The following NIPBL variants were observed in gnomAD, a reference collection of about 807,000 sequenced individuals.
NIPBL encodes the protein NIPBL cohesin loading factor, also known as nipped-B-like protein.
In NIPBL, 19 loss-of-function variants were observed where a neutral mutation model predicts 321.8. The observed-to-expected ratio is 0.06, with a 90% confidence interval of 0.04 to 0.09. NIPBL has a LOEUF of 0.09. Among genes scored for constraint, NIPBL ranks in the 10% least tolerant of loss-of-function variants. The probability of loss-of-function intolerance (pLI) is 1.00; values close to 1 mark genes in which losing one functional copy is unlikely to be tolerated. For missense variants in NIPBL, 2,210 were observed against 3,327.0 expected (o/e 0.66, Z 8.26); for synonymous variants, 1,106 against 1,114.1 (o/e 0.99, Z 0.14).
At chr5:37,054,845 A>C (rs1753928395) in intron 42 of NIPBL, among the ~76,000 whole-genome samples, 1 of 152,152 alleles carries the variant, frequency 6.6e-6, no homozygotes. Flanking sequence ...AATAATGAAT[A>C]GTTTGTTATT....
chr5:36,947,816 C>T (rs1437802823), intron 1 of NIPBL, among the ~76,000 whole-genome samples: 1 of 151,852 alleles, frequency 6.6e-6, no homozygotes, highest in Non-Finnish European at 1.5e-5. Flanking sequence ...TCAGCATATA[C>T]CCGACCCCTA....
chr5:36,886,112 C>A, intron 1 of NIPBL: 1 of 668,860 alleles, frequency 1.5e-6, no homozygotes, highest in Admixed American at 2.0e-5. Context: ...ACATACGGTC[C>A]AGTCCTTGGA....
intron 3 of NIPBL, among the ~76,000 whole-genome samples, chr5:36,957,366 T>C: frequency 6.6e-6 from 1 of 152,204 alleles, no homozygotes; most frequent in Non-Finnish European, 1.5e-5. Context: ...CAACAGTATC[T>C]TATTTGTAAG....
chr5:36,931,938 A>C (rs1469509607), intron 1 of NIPBL, among the ~76,000 whole-genome samples: 1 of 152,040 alleles, frequency 6.6e-6, no homozygotes, highest in Non-Finnish European at 1.5e-5. Flanking sequence ...TAAAGCTATA[A>C]ATATTCCTAT....
intron 1 of NIPBL, among the ~76,000 whole-genome samples, chr5:36,938,145 G>A (rs1738649211): frequency 6.6e-6 from 1 of 152,166 alleles, no homozygotes; most frequent in Non-Finnish European, 1.5e-5. Context: ...GGCTTGAATA[G>A]CACTGGCAGG....
chr5:36,954,146 C>T (rs1314352696), intron 2 of NIPBL, among the ~76,000 whole-genome samples: 2 of 152,064 alleles, frequency 1.3e-5, no homozygotes, highest in South Asian at 4.2e-4. Context: ...AAAAAGCTAC[C>T]TACAATTTTA....
chr5:36,945,304 A>G (rs1189189252), intron 1 of NIPBL, among the ~76,000 whole-genome samples: 2 of 152,196 alleles, frequency 1.3e-5, no homozygotes, highest in African/African-American at 4.8e-5. Flanking sequence ...ATTTAACTGT[A>G]TAACAAACTG....
At chr5:37,057,407 A>G (rs1754211965) in intron 43 of NIPBL, 75 bp downstream of exon 43, 13 of 1,408,164 alleles carry the variant, frequency 9.2e-6, no homozygotes, top group Non-Finnish European at 1.3e-5. Flanking sequence ...TTTGTTTCTC[A>G]TTATTCTTTT....
chr5:37,038,574 T>C, intron 33 of NIPBL, 28 bp from the exon 34 acceptor site: 1 of 1,606,166 alleles, frequency 6.2e-7, no homozygotes, highest in Non-Finnish European at 8.5e-7. Flanking sequence ...CATATTTTAG[T>C]GTCTTATTTC....
intron 2 of NIPBL, 116 bp from the exon 3 acceptor site, chr5:36,955,356 T>C (rs1315299705): frequency 1.1e-6 from 1 of 892,076 alleles, no homozygotes; most frequent in African/African-American, 1.7e-5. Flanking sequence ...GGAATGCCTT[T>C]TAATAATTTG....
intron 1 of NIPBL, among the ~76,000 whole-genome samples, chr5:36,948,561 T>C (rs1739936458): frequency 6.6e-6 from 1 of 151,930 alleles, no homozygotes; most frequent in Admixed American, 6.6e-5. Context: ...TGTATTTAGC[T>C]CATTTTTAGT....
chr5:36,948,211 C>G (rs1470037012), intron 1 of NIPBL, among the ~76,000 whole-genome samples: 1 of 151,852 alleles, frequency 6.6e-6, no homozygotes, highest in African/African-American at 2.4e-5. Context: ...GCTTGCCTAG[C>G]ATACATAGTG....
In NIPBL at chr5:37,057,239, A is replaced by C; in HGVS notation, c.7317A>C (p.Pro2439=). The C allele has an allele frequency of 6.2e-7, 1 of 1,613,980 alleles. No homozygotes were observed. Among genetic ancestry groups the C allele is most frequent in the Non-Finnish European group, 8.5e-7 (1 of 1,179,912 alleles). The change falls in exon 43 of 47, where the codon CCA becomes CCC. Residue 2439 remains proline, a synonymous_variant. Transcript: ENST00000282516. ...TAGCAGACAATCTAGCCTGTTTTCC[A>C]TACCAGACACAGGAAGAGCCGTTGT... The part of the protein sequence containing the change: ...LYIADNLACF[P]YQTQEEPLFI...
At chr5:36,882,751 T>C (rs1471306085) in intron 1 of NIPBL, among the ~76,000 whole-genome samples, 1 of 151,968 alleles carries the variant, frequency 6.6e-6, no homozygotes, top group Non-Finnish European at 1.5e-5. Flanking sequence ...AAATTTATAA[T>C]ACAATTTTTG....
intron 16 of NIPBL, among the ~76,000 whole-genome samples, chr5:37,005,471 T>C (rs1255791753): frequency 6.6e-6 from 1 of 152,146 alleles, no homozygotes; most frequent in Non-Finnish European, 1.5e-5. Flanking sequence ...TTTAATATGT[T>C]GTGGATAGCC....
At chr5:36,883,819 G>GT (rs754723451) in intron 1 of NIPBL, among the ~76,000 whole-genome samples, 3,556 of 143,766 alleles carry the variant, frequency 0.025, 44 homozygotes, top group Middle Eastern at 0.069. Flanking sequence ...ATGTAATTCA[G>GT]TTTTTTTTTT....
chr5:36,984,847 C>A lies in NIPBL; in HGVS notation c.1667C>A (p.Ser556Tyr), dbSNP rs1451521968. ...HQAGRVDSQA[S>Y]ITQDSDSIKK... ...GCAGGAAGAGTGGACTCTCAGGCTT[C>A]TATAACTCAGGATTCAGACTCCATA... Residue 556 changes from serine to tyrosine, a missense_variant, in exon 10 of 47, where the codon TCT becomes TAT. Physicochemically the swap from Ser to Tyr is moderately radical, Grantham distance 144 (BLOSUM62 -2). This residue lies in a region of NIPBL where 588 missense variants were observed against 564.1 expected (regional missense o/e 1.04). Transcript: ENST00000282516. The A allele has an allele frequency of 6.2e-7, 1 of 1,613,650 alleles. No individual in the cohort carries two copies. Among genetic ancestry groups the A allele is most frequent in the Non-Finnish European group, 8.5e-7 (1 of 1,179,862 alleles).
At chr5:36,941,469 A>G (rs1216218172) in intron 1 of NIPBL, among the ~76,000 whole-genome samples, 1 of 151,726 alleles carries the variant, frequency 6.6e-6, no homozygotes, top group Non-Finnish European at 1.5e-5. Context: ...GACAAGGGGA[A>G]TCACTATTGA....
chr5:36,886,304 T>C (rs1360501105), intron 1 of NIPBL: 2 of 681,024 alleles, frequency 2.9e-6, no homozygotes, highest in East Asian at 5.4e-5. Flanking sequence ...GAGACCATGC[T>C]GAACATCAAG....
Sources: gnomAD v4.1 joint callset for allele counts (sites outside exome capture counted in the v4.1 genomes callset) on GRCh38, gnomAD v4.1.1 for gene constraint, gnomAD v4.1.1 regional missense constraint, MANE v1.5 for transcripts, NCBI Gene and HGNC (gene_info 2026-07-23, HGNC 2026-07-21) for gene names.